The following PCDH11X variants were observed in gnomAD, a reference collection of about 807,000 sequenced individuals.
The protein encoded by PCDH11X is protocadherin 11 X-linked, also known as protocadherin-11 X-linked.
In PCDH11X, 18 loss-of-function variants were observed where a neutral mutation model predicts 53.3. The ratio of observed to expected loss-of-function variants is 0.34; its 90% CI spans 0.23 to 0.50. PCDH11X has a LOEUF of 0.50. Among genes scored for constraint, PCDH11X ranks in the 20% least tolerant of loss-of-function variants. The pLI is 0.98. For missense variants in PCDH11X, 570 were observed against 1,032.4 expected, an observed-to-expected ratio of 0.55 and a Z score of 6.14; for synonymous variants, 279 against 393.3, an observed-to-expected ratio of 0.71 and a Z score of 3.44.
At chrX:92,341,396 T>G (rs2069755419) in intron 8 of PCDH11X, among the ~76,000 whole-genome samples, 1 of 111,700 alleles carries the variant, frequency 9.0e-6, no homozygotes, top group Non-Finnish European at 1.9e-5. Flanking sequence ...GATACCAAAT[T>G]TTTGTATTAG....
At chrX:92,026,091 A>G (rs894265804) in intron 6 of PCDH11X, among the ~76,000 whole-genome samples, 2 of 109,843 alleles carry the variant, frequency 1.8e-5, no homozygotes, top group African/African-American at 6.6e-5. Context: ...AAAATAACTA[A>G]TAGGTACTAA....
At chrX:92,168,502 C>G (rs1274123534) in intron 6 of PCDH11X, among the ~76,000 whole-genome samples, 1 of 109,463 alleles carries the variant, frequency 9.1e-6, no homozygotes, top group Admixed American at 9.8e-5. Context: ...AGGCTACACT[C>G]TAACCTGAGT....
chrX:92,132,651 A>ACGTATATATATATG (rs2065007707), intron 6 of PCDH11X, among the ~76,000 whole-genome samples: 32 of 57,004 alleles, frequency 5.6e-4, no homozygotes, highest in African/African-American at 2.6e-3. Context: ...ATATATATAT[A>ACGTATATATATATG]TATATGTATA....
intron 10 of PCDH11X, among the ~76,000 whole-genome samples, chrX:92,484,265 A>G (rs1209450939): frequency 4.0e-5 from 4 of 100,417 alleles, no homozygotes; most frequent in Non-Finnish European, 5.9e-5. Flanking sequence ...TTATACATAT[A>G]TATGTGTATG....
intron 6 of PCDH11X, among the ~76,000 whole-genome samples, chrX:92,107,642 C>T (rs1439729534): frequency 2.7e-5 from 3 of 112,405 alleles, no homozygotes; most frequent in African/African-American, 9.7e-5. Context: ...GAGGCTGAGG[C>T]AGGAGAATCG....
At position 91,879,015 on chromosome X, in the gene PCDH11X, T is replaced by C; in HGVS notation, c.2775T>C (p.Pro925=). The C allele has an allele frequency of 8.3e-7, 1 of 1,211,363 alleles. No individual in the cohort carries two copies. The highest frequency in any genetic ancestry group is 1.1e-6 in the Non-Finnish European group (1 of 895,387). The part of the protein sequence containing the change: ...TMGKYNWVTT[P]TTFKPDSPDL... ...GAAAGTACAATTGGGTAACTACACC[T>C]ACTACTTTCAAGCCCGACAGCCCTG... The change falls in exon 6 of 11, where the codon CCT becomes CCC. Residue 925 remains proline (P), a synonymous_variant. Transcript: ENST00000682573.
intron 6 of PCDH11X, among the ~76,000 whole-genome samples, chrX:92,064,730 T>C (rs2063579589): frequency 1.8e-5 from 2 of 109,855 alleles, no homozygotes; most frequent in Non-Finnish European, 3.8e-5. Flanking sequence ...AATAAATTTT[T>C]TGTTGTTTTT....
At chrX:92,115,719 C>T (rs1422062374) in intron 6 of PCDH11X, among the ~76,000 whole-genome samples, 3 of 110,931 alleles carry the variant, frequency 2.7e-5, no homozygotes, top group Non-Finnish European at 5.7e-5. Context: ...GTCTGATGTT[C>T]GAGGACAGGG....
intron 6 of PCDH11X, among the ~76,000 whole-genome samples, chrX:91,911,932 AT>A (rs758840609): frequency 3.4e-3 from 376 of 110,253 alleles, no homozygotes; most frequent in African/African-American, 0.012. Flanking sequence ...GTATTTTTCC[AT>A]TTTTTTGGTA....
At chrX:92,139,264 TTC>T (rs2065135266) in intron 6 of PCDH11X, among the ~76,000 whole-genome samples, 2 of 100,658 alleles carry the variant, frequency 2.0e-5, no homozygotes, top group Admixed American at 2.1e-4. Flanking sequence ...CTTTCTTTCT[TTC>T]TTTCTTTTTT....
At chrX:91,875,389 T>TC (rs1360086538) in intron 5 of PCDH11X, among the ~76,000 whole-genome samples, 2 of 105,955 alleles carry the variant, frequency 1.9e-5, no homozygotes, top group Non-Finnish European at 3.9e-5. Context: ...TTCATGCCAT[T>TC]CTCCTGCCTC....
intron 6 of PCDH11X, among the ~76,000 whole-genome samples, chrX:92,146,382 C>T (rs1161875959): frequency 1.8e-5 from 2 of 110,912 alleles, no homozygotes; most frequent in East Asian, 5.7e-4. Flanking sequence ...GTATGTGCAA[C>T]TTGTGCAATA....
chrX:92,283,195 A>T (rs770158340), intron 8 of PCDH11X, among the ~76,000 whole-genome samples: 3 of 111,838 alleles, frequency 2.7e-5, no homozygotes, highest in Non-Finnish European at 5.7e-5. Flanking sequence ...AGTACCATAT[A>T]AAAACAGATA....
chrX:92,054,840 A>AAAAAAG (rs2063424223), intron 6 of PCDH11X, among the ~76,000 whole-genome samples: 1 of 104,823 alleles, frequency 9.5e-6, no homozygotes, highest in Non-Finnish European at 1.9e-5. Context: ...AAAAAAAAAA[A>AAAAAAG]AAAAGAAAAG....
At chrX:92,470,621 C>T (rs2073242667) in intron 10 of PCDH11X, among the ~76,000 whole-genome samples, 1 of 111,336 alleles carries the variant, frequency 9.0e-6, no homozygotes, top group Non-Finnish European at 1.9e-5. Context: ...GAGGTATGTT[C>T]ATCCTATAAC....
intron 5 of PCDH11X, among the ~76,000 whole-genome samples, chrX:91,872,831 T>C (rs1484469464): frequency 9.2e-6 from 1 of 108,570 alleles, no homozygotes; most frequent in African/African-American, 3.3e-5. Flanking sequence ...TTCAGTTTTT[T>C]AATTGCTCAT....
chrX:92,088,751 ATT>A (rs1272860549), intron 6 of PCDH11X, among the ~76,000 whole-genome samples: 1 of 111,917 alleles, frequency 8.9e-6, no homozygotes. Flanking sequence ...TTCTCCAAGA[ATT>A]GGTCTTTCTT....
At chrX:92,259,614 G>A (rs1281477037) in intron 7 of PCDH11X, among the ~76,000 whole-genome samples, 3 of 111,571 alleles carry the variant, frequency 2.7e-5, no homozygotes. Context: ...CTCCAACAAT[G>A]GGGATTACAA....
chrX:92,012,407 T>C (rs1055611215), intron 6 of PCDH11X, among the ~76,000 whole-genome samples: 33 of 111,104 alleles, frequency 3.0e-4, no homozygotes, highest in African/African-American at 9.5e-4. Context: ...TTAGGAACCA[T>C]ATTCTCTTTG....
Sources: gnomAD v4.1 joint callset for allele counts (sites outside exome capture counted in the v4.1 genomes callset) on GRCh38, gnomAD v4.1.1 for gene constraint, MANE v1.5 for transcripts, NCBI Gene and HGNC (gene_info 2026-07-23, HGNC 2026-07-21) for gene names.